Variants in DLG2 observed in about 807,000 individuals in gnomAD.
DLG2 encodes discs large MAGUK scaffold protein 2.
A neutral mutation model predicts 132.5 loss-of-function variants in DLG2; 45 were observed. That is an observed-to-expected ratio of 0.34 (90% confidence interval 0.27 to 0.44). The LOEUF is 0.44. Ranked by LOEUF, DLG2 falls within the 20% of genes least tolerant of loss-of-function variation. The pLI is 1.00. For synonymous variants in DLG2, 424 were observed against 419.6 expected (o/e 1.01, Z -0.13); for missense variants, 1,045 against 1,196.9 (o/e 0.87, Z 1.87).
chr11:85,425,445 T>C (rs1044406515), intron 3 of DLG2, among the ~76,000 whole-genome samples: 1 of 152,058 alleles, frequency 6.6e-6, no homozygotes, highest in Non-Finnish European at 1.5e-5. Context: ...ATAGTAAATA[T>C]TTAAATATTT....
chr11:83,650,104 C>T (rs931463561), intron 18 of DLG2, among the ~76,000 whole-genome samples: 6 of 152,188 alleles, frequency 3.9e-5, no homozygotes. Context: ...ATAAGTAGTG[C>T]CAATGCAAGA....
chr11:83,866,803 C>CT (rs1462538206), intron 16 of DLG2, among the ~76,000 whole-genome samples: 2 of 152,100 alleles, frequency 1.3e-5, no homozygotes, highest in Non-Finnish European at 2.9e-5. Flanking sequence ...TGTGGCAGCC[C>CT]TACAAGGTCA....
chr11:84,464,051 A>G (rs1248353221), intron 7 of DLG2, among the ~76,000 whole-genome samples: 2 of 151,232 alleles, frequency 1.3e-5, no homozygotes, highest in African/African-American at 4.8e-5. Flanking sequence ...AAAATATTCA[A>G]AAATGGTTAC....
intron 11 of DLG2, among the ~76,000 whole-genome samples, chr11:83,981,447 ATTAAT>A (rs942562814): frequency 1.3e-5 from 2 of 152,072 alleles, no homozygotes; most frequent in East Asian, 1.9e-4. Context: ...TAATTAATTA[ATTAAT>A]TTAATTTTTG....
intron 20 of DLG2, among the ~76,000 whole-genome samples, chr11:83,535,261 A>G (rs2095853362): frequency 6.6e-6 from 1 of 152,230 alleles, no homozygotes; most frequent in South Asian, 2.1e-4. Context: ...ATGCTTTGGC[A>G]TCATTCAATG....
intron 18 of DLG2, among the ~76,000 whole-genome samples, chr11:83,744,555 G>A (rs1030851600): frequency 3.3e-5 from 5 of 152,086 alleles, no homozygotes; most frequent in Admixed American, 6.6e-5. Context: ...TTCACTTTAC[G>A]TAGCCACATA....
At chr11:84,387,066 A>G (rs2098773566) in intron 7 of DLG2, among the ~76,000 whole-genome samples, 1 of 151,736 alleles carries the variant, frequency 6.6e-6, no homozygotes, top group Admixed American at 6.6e-5. Flanking sequence ...TCGTTTTGGA[A>G]CTCCCCACCA....
chr11:84,277,658 C>A (rs558005144), intron 7 of DLG2, among the ~76,000 whole-genome samples: 90 of 151,132 alleles, frequency 6.0e-4, no homozygotes, highest in African/African-American at 2.1e-3. Context: ...CCATCTTTCA[C>A]GAGAAAAAAA....
chr11:84,925,208 G>GGA (rs796185969), intron 6 of DLG2, among the ~76,000 whole-genome samples: 2 of 152,024 alleles, frequency 1.3e-5, no homozygotes, highest in Non-Finnish European at 2.9e-5. Context: ...GGATGGCCCA[G>GGA]GAGAGAGAGA....
intron 2 of DLG2, among the ~76,000 whole-genome samples, chr11:85,615,513 T>A (rs946602474): frequency 6.6e-6 from 1 of 151,350 alleles, no homozygotes; most frequent in Non-Finnish European, 1.5e-5. Context: ...CAAGATTCCA[T>A]CTCAAAAAAA....
In DLG2 at chr11:83,736,095, C is replaced by T. The variant is rs533219101; in HGVS notation, c.1825+50595G>A. Among the ~76,000 whole-genome samples, 6 of 152,242 alleles carry T rather than the reference C, an allele frequency of 3.9e-5. No homozygotes were observed. In the East Asian group the frequency reaches 1.2e-3, roughly 29 times the overall value. On this transcript the variant is annotated intron_variant, in intron 18 of 27. Transcript: ENST00000376104. ...TATTGACATTTTTCATACAGTTCAACCTAAATCATTTTATTTTAATAACTC... is the reference window on the plus strand; with the variant it reads ...TATTGACATTTTTCATACAGTTCAATCTAAATCATTTTATTTTAATAACTC...
At chr11:85,105,623 G>T (rs1232146779) in intron 6 of DLG2, among the ~76,000 whole-genome samples, 1 of 151,834 alleles carries the variant, frequency 6.6e-6, no homozygotes, top group Non-Finnish European at 1.5e-5. Flanking sequence ...CCAATTTAAG[G>T]TCCTGTACGC....
chr11:84,508,097 G>C (rs544903426), intron 7 of DLG2, among the ~76,000 whole-genome samples: 22 of 152,070 alleles, frequency 1.4e-4, no homozygotes, highest in Admixed American at 1.3e-3. Context: ...TTTTCCACTG[G>C]GTTCTCATCT....
intron 7 of DLG2, among the ~76,000 whole-genome samples, chr11:84,407,602 G>A (rs1219578300): frequency 2.0e-5 from 3 of 152,128 alleles, no homozygotes; most frequent in Non-Finnish European, 4.4e-5. Context: ...TGATAGGACT[G>A]GTGACACTTT....
intron 3 of DLG2, among the ~76,000 whole-genome samples, chr11:85,370,338 G>GTT (rs1489824820): frequency 6.6e-6 from 1 of 152,184 alleles, no homozygotes; most frequent in African/African-American, 2.4e-5. Context: ...TTTGCCTAGA[G>GTT]TTAAAGGATT....
intron 6 of DLG2, among the ~76,000 whole-genome samples, chr11:85,058,855 C>T (rs945038850): frequency 4.0e-5 from 6 of 151,324 alleles, no homozygotes; most frequent in Admixed American, 2.6e-4. Flanking sequence ...TCATACTATA[C>T]ACAAAATCAA....
chr11:85,488,792 C>T (rs1455538743), intron 3 of DLG2, among the ~76,000 whole-genome samples: 1 of 152,100 alleles, frequency 6.6e-6, no homozygotes, highest in Non-Finnish European at 1.5e-5. Context: ...TAAAGTCTTT[C>T]CCAGACAAGG....
intron 6 of DLG2, among the ~76,000 whole-genome samples, chr11:84,656,434 A>C (rs1203765882): frequency 6.6e-6 from 1 of 152,188 alleles, no homozygotes; most frequent in East Asian, 1.9e-4. Flanking sequence ...ATACACTGAA[A>C]TTTTAGAAAA....
intron 3 of DLG2, among the ~76,000 whole-genome samples, chr11:85,295,130 A>G (rs943789585): frequency 2.6e-5 from 4 of 152,104 alleles, no homozygotes; most frequent in Non-Finnish European, 5.9e-5. Context: ...TATCTAGGAG[A>G]TAATTAACTT....
Sources: gnomAD v4.1 joint callset for allele counts (sites outside exome capture counted in the v4.1 genomes callset) on GRCh38, gnomAD v4.1.1 for gene constraint, MANE v1.5 for transcripts, NCBI Gene and HGNC (gene_info 2026-07-23, HGNC 2026-07-21) for gene names.